PTGES3: variants seen among roughly 807,000 people sequenced by gnomAD.
The protein encoded by PTGES3 is prostaglandin E synthase 3, also known as Hsp90 co-chaperone.
Under a neutral mutation model 29.9 loss-of-function variants are expected in PTGES3, and 5 were observed. The ratio of observed to expected loss-of-function variants is 0.17; its 90% CI spans 0.09 to 0.35. PTGES3 has a LOEUF of 0.35. PTGES3 is among the 10% of genes least tolerant of loss of function. The pLI, the probability that PTGES3 is intolerant of heterozygous loss-of-function variation, is 1.00. For synonymous variants in PTGES3, 49 were observed against 57.8 expected, an observed-to-expected ratio of 0.85 and a Z score of 0.69; for missense variants, 128 against 190.0, an observed-to-expected ratio of 0.67 and a Z score of 1.92.
intron 1 of PTGES3, among the ~76,000 whole-genome samples, chr12:56,684,172 A>T (rs1297029061): frequency 1.3e-5 from 2 of 152,116 alleles, no homozygotes; most frequent in Admixed American, 1.3e-4. Flanking sequence ...TTCCCCTGAA[A>T]AGAGACAATC....
chr12:56,676,178 A>G (rs1374246251), intron 1 of PTGES3, among the ~76,000 whole-genome samples: 1 of 145,920 alleles, frequency 6.9e-6, no homozygotes, highest in African/African-American at 2.7e-5. Context: ...GTAAGCCGAG[A>G]TCACGCCACT....
intron 4 of PTGES3, among the ~76,000 whole-genome samples, chr12:56,671,103 T>TA (rs201901653): frequency 0.017 from 2,516 of 149,544 alleles, 52 homozygotes; most frequent in African/African-American, 0.04. Flanking sequence ...TGAGACTACC[T>TA]AAAAAAAAAG....
At chr12:56,683,427 C>G (rs1952651033) in intron 1 of PTGES3, among the ~76,000 whole-genome samples, 1 of 129,564 alleles carries the variant, frequency 7.7e-6, no homozygotes, top group African/African-American at 3.0e-5. Flanking sequence ...GAGCCGAGAC[C>G]GTGACATTGC....
chr12:56,671,321 C>T (rs1388519097), intron 4 of PTGES3, among the ~76,000 whole-genome samples: 1 of 152,112 alleles, frequency 6.6e-6, no homozygotes, highest in Non-Finnish European at 1.5e-5. Flanking sequence ...TCACTTGGAG[C>T]CTGGGAAACT....
At position 56,688,073 on chromosome 12, in the gene PTGES3, TTC is replaced by T. The variant is rs1952972539; in HGVS notation, c.-76_-75del. The T allele has an allele frequency of 2.8e-6, 4 of 1,445,612 alleles. No homozygotes were observed. Among genetic ancestry groups the T allele is most frequent in the African/African-American group, 1.5e-5 (1 of 67,376 alleles). 89.5% of individuals were successfully genotyped at this position (1,445,612 alleles called of 1,614,324 possible). A position where few individuals can be genotyped will look rare whatever the true frequency, so the allele number is the denominator to read the frequency against. ...CGGCGGCTGCTGCTAGGGAGTCGAC[TTC>T]TCTCCGGTGGCGACTCCGCTTTTTC... On this transcript the variant is annotated 5_prime_UTR_variant, in exon 1 of 8. Transcript: ENST00000262033.
intron 5 of PTGES3, among the ~76,000 whole-genome samples, chr12:56,668,876 G>A (rs1042771256): frequency 3.9e-5 from 6 of 152,062 alleles, no homozygotes; most frequent in Non-Finnish European, 7.3e-5. Flanking sequence ...ATTTGATAAA[G>A]TCTATTCTGC....
At chr12:56,666,997 G>GC (rs1951816478) in intron 5 of PTGES3, among the ~76,000 whole-genome samples, 1 of 152,026 alleles carries the variant, frequency 6.6e-6, no homozygotes, top group Non-Finnish European at 1.5e-5. Flanking sequence ...TCGGCTCACT[G>GC]CAACTTCCGC....
chr12:56,687,450 G>T lies in PTGES3; in HGVS notation c.2+548C>A, dbSNP rs978751758. The T allele has an allele frequency of 7.1e-6, 7 of 988,488 alleles. 1 individual carries two copies. In the South Asian group the frequency reaches 3.2e-4, roughly 45 times the overall value. The allele number at this position is 988,488 out of a possible 1,614,324, so 61.2% of individuals were successfully genotyped here. On this transcript the variant is annotated intron_variant, in intron 1 of 7. Transcript: ENST00000262033. ...AGAAACCCAGACACTGGAGAGGGAA[G>T]TATGTTGCGGCGTGGGCATGGCTTC...
chr12:56,681,094 G>A (rs1455022446), intron 1 of PTGES3, among the ~76,000 whole-genome samples: 1 of 151,350 alleles, frequency 6.6e-6, no homozygotes, highest in Non-Finnish European at 1.5e-5. Flanking sequence ...GTTGTGTTTT[G>A]TTTTTTTGTT....
At chr12:56,687,977 T>C (rs755730985) in intron 1 of PTGES3, 21 bp downstream of exon 1, 1 of 1,601,106 alleles carries the variant, frequency 6.2e-7, no homozygotes, top group South Asian at 1.1e-5. Context: ...CGACCTTCCC[T>C]CGGCGGGGTG....
intron 1 of PTGES3, chr12:56,687,505 C>G (rs1262012093): frequency 1.0e-6 from 1 of 997,432 alleles, no homozygotes; most frequent in Non-Finnish European, 1.2e-6. Context: ...ACCTGCAGCT[C>G]ACGGCGAGGT....
Position 56,688,182 on chromosome 12 carries a change from G to T in PTGES3, c.-183C>A. The T allele has an allele frequency of 1.8e-6, 2 of 1,094,236 alleles. No homozygotes were observed. The highest frequency in any genetic ancestry group is 1.2e-6 in the Non-Finnish European group (1 of 821,078). The allele number at this position is 1,094,236 out of a possible 1,614,324, so 67.8% of individuals were successfully genotyped here. On this transcript the variant is annotated 5_prime_UTR_variant, in exon 1 of 8. Transcript: ENST00000262033. The stretch of plus-strand genomic sequence containing the variant: ...GACCTCGGGCCCCAGAATGCACCGC[G>T]CGGAAAGAGCGGCTCCTCCGGTCGG...
At chr12:56,677,603 A>G (rs1445782790) in intron 1 of PTGES3, among the ~76,000 whole-genome samples, 1 of 152,184 alleles carries the variant, frequency 6.6e-6, no homozygotes, top group African/African-American at 2.4e-5. Flanking sequence ...TGGATACTAT[A>G]TAACTTCTCA....
chr12:56,676,298 T>C (rs1237108237), intron 1 of PTGES3, among the ~76,000 whole-genome samples: 1 of 152,064 alleles, frequency 6.6e-6, no homozygotes, highest in East Asian at 1.9e-4. Flanking sequence ...TTATTTTTTT[T>C]CACTTCACAA....
intron 1 of PTGES3, among the ~76,000 whole-genome samples, chr12:56,681,514 G>C (rs1055819042): frequency 9.2e-5 from 12 of 131,100 alleles, no homozygotes; most frequent in Non-Finnish European, 1.9e-4. Context: ...CTCCAGCCTG[G>C]GCAACAGAGT....
intron 1 of PTGES3, among the ~76,000 whole-genome samples, chr12:56,675,332 G>A (rs1952187141): frequency 6.6e-6 from 1 of 151,622 alleles, no homozygotes; most frequent in African/African-American, 2.4e-5. Context: ...AAGAAAAAAA[G>A]CCTTAGCAAG....
chr12:56,682,676 A>C (rs1454159174), intron 1 of PTGES3, among the ~76,000 whole-genome samples: 12 of 142,408 alleles, frequency 8.4e-5, no homozygotes, highest in African/African-American at 3.1e-4. Flanking sequence ...CCAGGAGTTC[A>C]AGACCAACCT....
intron 1 of PTGES3, among the ~76,000 whole-genome samples, chr12:56,680,215 C>T (rs1448119683): frequency 6.6e-6 from 1 of 151,286 alleles, no homozygotes; most frequent in African/African-American, 2.4e-5. Flanking sequence ...GATGGAACTA[C>T]AGGCATGCGT....
chr12:56,665,413 G>C (rs369694454), intron 6 of PTGES3: 2 of 859,714 alleles, frequency 2.3e-6, no homozygotes. Flanking sequence ...TCCTGCCTCA[G>C]CCTCCCAAGT....
Sources: allele counts gnomAD v4.1 joint callset (sites outside exome capture counted in the v4.1 genomes callset), GRCh38; gene constraint gnomAD v4.1.1; transcripts MANE v1.5; gene names NCBI Gene and HGNC (gene_info 2026-07-23, HGNC 2026-07-21).